The following ITPR2 variants were observed in gnomAD, a reference collection of about 807,000 sequenced individuals.
ITPR2 encodes inositol 1,4,5-trisphosphate receptor type 2, also known as inositol 1,4,5-trisphosphate-gated calcium channel ITPR2.
Under a neutral mutation model 317.1 loss-of-function variants are expected in ITPR2, and 207 were observed. That is an observed-to-expected ratio of 0.65 (90% CI 0.58 to 0.73). The LOEUF is 0.73. Ranked by LOEUF, ITPR2 falls within the 30% of genes least tolerant of loss-of-function variation. The pLI is 0.00. For missense variants in ITPR2, 2,613 were observed against 3,284.0 expected, an observed-to-expected ratio of 0.80 and a Z score of 4.99; for synonymous variants, 1,156 against 1,149.1, an observed-to-expected ratio of 1.01 and a Z score of -0.12.
chr12:26,387,728 G>C, intron 54 of ITPR2, 134 bp from the exon 55 acceptor site: 1 of 767,574 alleles, frequency 1.3e-6, no homozygotes, highest in East Asian at 2.7e-5. Flanking sequence ...AAAATGCTAT[G>C]ATTAAAAACA....
At chr12:26,766,913 A>G (rs1949729934) in intron 2 of ITPR2, among the ~76,000 whole-genome samples, 1 of 152,220 alleles carries the variant, frequency 6.6e-6, no homozygotes, top group African/African-American at 2.4e-5. Context: ...AATGGAAACC[A>G]CTGAAAACAT....
chr12:26,633,213 A>G (rs1946792989), intron 21 of ITPR2, among the ~76,000 whole-genome samples: 1 of 152,236 alleles, frequency 6.6e-6, no homozygotes, highest in Admixed American at 6.5e-5. Flanking sequence ...TCGAAAGGCA[A>G]ACAAATAAAA....
In ITPR2 at chr12:26,416,423, G is replaced by A. The variant is rs188891434; in HGVS notation, c.7111-925C>T. Among the ~76,000 whole-genome samples the A allele has an allele frequency of 2.1e-3, 317 of 152,220 alleles. 1 individual carries two copies. Among genetic ancestry groups the A allele is most frequent in the African/African-American group, 6.4e-3 (268 of 41,562 alleles). Reference sequence around the variant, plus strand: ...GGAAATGAATAGTATTTTTAAAATTGGAATAATTGAGGTTTGTCTTCTATC... The same window carrying A: ...GGAAATGAATAGTATTTTTAAAATTAGAATAATTGAGGTTTGTCTTCTATC... On this transcript the variant is annotated intron_variant, in intron 50 of 56. Coordinates refer to ENST00000381340, the MANE Select transcript of ITPR2 (RefSeq NM_002223.4).
At chr12:26,425,739 TA>T (rs1260598723) in intron 49 of ITPR2, among the ~76,000 whole-genome samples, 4 of 152,026 alleles carry the variant, frequency 2.6e-5, no homozygotes, top group Non-Finnish European at 5.9e-5. Context: ...ACAGATGTTC[TA>T]TGCTGTGAAA....
intron 2 of ITPR2, among the ~76,000 whole-genome samples, chr12:26,775,362 T>C (rs74072361): frequency 0.025 from 3,822 of 151,548 alleles, 166 homozygotes; most frequent in African/African-American, 0.086. Flanking sequence ...AAAACAAACC[T>C]AGAACAATGA....
intron 34 of ITPR2, among the ~76,000 whole-genome samples, chr12:26,569,554 C>A (rs201080487): frequency 6.7e-3 from 903 of 133,888 alleles, no homozygotes; most frequent in Non-Finnish European, 7.5e-3. Flanking sequence ...GACTCTGTCT[C>A]AAAAAAAAAA....
At chr12:26,695,252 T>G (rs144879128) in intron 10 of ITPR2, among the ~76,000 whole-genome samples, 42 of 152,290 alleles carry the variant, frequency 2.8e-4, no homozygotes, top group African/African-American at 8.9e-4. Context: ...GTCCTGAATT[T>G]CTGAATTTTT....
At chr12:26,402,361 C>T (rs1040713512) in intron 52 of ITPR2, among the ~76,000 whole-genome samples, 1 of 152,144 alleles carries the variant, frequency 6.6e-6, no homozygotes, top group Non-Finnish European at 1.5e-5. Flanking sequence ...TTCATTTATT[C>T]ATTCAGGAAC....
At chr12:26,347,450 C>T (rs1938344868) in intron 55 of ITPR2, among the ~76,000 whole-genome samples, 1 of 152,146 alleles carries the variant, frequency 6.6e-6, no homozygotes, top group Non-Finnish European at 1.5e-5. Context: ...GACCGATACC[C>T]ACAATTCCAT....
chr12:26,822,220 G>A (rs945667566), intron 1 of ITPR2, among the ~76,000 whole-genome samples: 4 of 152,144 alleles, frequency 2.6e-5, no homozygotes, highest in Non-Finnish European at 5.9e-5. Context: ...AAATTTTTAT[G>A]ATGATATTTG....
chr12:26,371,690 G>A (rs1939194401), intron 55 of ITPR2, among the ~76,000 whole-genome samples: 1 of 152,222 alleles, frequency 6.6e-6, no homozygotes, highest in African/African-American at 2.4e-5. Context: ...TGAGCCTAGT[G>A]AGAGAGGCAG....
At chr12:26,665,705 G>A (rs1947610428) in intron 14 of ITPR2, among the ~76,000 whole-genome samples, 1 of 152,128 alleles carries the variant, frequency 6.6e-6, no homozygotes, top group African/African-American at 2.4e-5. Context: ...CTGCAGCCTG[G>A]TGAGAGACCC....
chr12:26,627,229 G>T (rs1418991628), intron 23 of ITPR2: 1 of 152,108 alleles, frequency 6.6e-6, no homozygotes, highest in African/African-American at 2.4e-5. Flanking sequence ...TCTGGATCAG[G>T]CAACGGCTTC....
In ITPR2 at chr12:26,621,129, T is replaced by G. The variant is rs1227785499; in HGVS notation, c.3456A>C (p.Pro1152=). The change falls in exon 26 of 57, where the codon CCA becomes CCC. Residue 1152 remains proline, a synonymous_variant. Transcript: ENST00000381340. ...GESQVKGGEE[P]IEESNILSPV... ...AATAGATCTTGAAACGAACCTCAATTGGCTCTTCACCACCTTTCACTTGAC... is the reference window on the plus strand; with the variant it reads ...AATAGATCTTGAAACGAACCTCAATGGGCTCTTCACCACCTTTCACTTGAC... 6.2e-7 allele frequency: 1 copy of G among 1,612,532 alleles called. No homozygotes were observed. The highest frequency in any genetic ancestry group is 2.2e-5 in the East Asian group (1 of 44,806).
chr12:26,742,815 GAA>G (rs796564571), intron 2 of ITPR2, among the ~76,000 whole-genome samples: 1 of 134,598 alleles, frequency 7.4e-6, no homozygotes. Flanking sequence ...TCTGTCTTGG[GAA>G]AAAAAAAAAA....
At chr12:26,638,012 A>T (rs1946901359) in intron 21 of ITPR2, among the ~76,000 whole-genome samples, 1 of 152,202 alleles carries the variant, frequency 6.6e-6, no homozygotes, top group Non-Finnish European at 1.5e-5. Context: ...AAAAGCATGT[A>T]ACCAAAGTGT....
chr12:26,721,788 T>A (rs58352385), intron 5 of ITPR2, among the ~76,000 whole-genome samples: 63 of 151,256 alleles, frequency 4.2e-4, no homozygotes, highest in African/African-American at 7.0e-4. Context: ...ATTAAAAAAA[T>A]TTTTTTTTTA....
chr12:26,700,974 T>C (rs956263822), intron 9 of ITPR2, among the ~76,000 whole-genome samples: 2 of 152,184 alleles, frequency 1.3e-5, no homozygotes, highest in Non-Finnish European at 2.9e-5. Context: ...TTTAGATAAA[T>C]TTATTGATTT....
At chr12:26,605,170 T>C (rs1254183270) in intron 26 of ITPR2, among the ~76,000 whole-genome samples, 7 of 148,500 alleles carry the variant, frequency 4.7e-5, no homozygotes, top group East Asian at 3.9e-4. Context: ...TACATGAAAG[T>C]AAAGCCAATG....
Sources: gnomAD v4.1 joint callset for allele counts (sites outside exome capture counted in the v4.1 genomes callset) on GRCh38, gnomAD v4.1.1 for gene constraint, MANE v1.5 for transcripts, NCBI Gene and HGNC (gene_info 2026-07-23, HGNC 2026-07-21) for gene names.